GALNTL5: variants seen among roughly 807,000 people sequenced by gnomAD.
GALNTL5 encodes the protein inactive polypeptide N-acetylgalactosaminyltransferase-like protein 5.
Under a neutral mutation model 51.0 loss-of-function variants are expected in GALNTL5, and 44 were observed. The ratio of observed to expected loss-of-function variants is 0.86; its 90% confidence interval spans 0.68 to 1.11. GALNTL5 has a LOEUF of 1.11. Ranked by LOEUF, GALNTL5 falls within the 50% of genes least tolerant of loss-of-function variation. GALNTL5 has a pLI of 0.00. For synonymous variants in GALNTL5, 192 were observed against 182.8 expected (o/e 1.05, Z -0.41); for missense variants, 528 against 531.8 (o/e 0.99, Z 0.07).
intron 7 of GALNTL5, among the ~76,000 whole-genome samples, chr7:152,013,268 G>T (rs776431107): frequency 2.0e-5 from 3 of 151,694 alleles, no homozygotes; most frequent in Non-Finnish European, 4.4e-5. Flanking sequence ...GTGATGAAAT[G>T]ACCTGTGCTC....
At chr7:151,957,797 T>C (rs1468557752) in intron 1 of GALNTL5, 1 of 152,150 alleles carries the variant, frequency 6.6e-6, no homozygotes. Context: ...GAATTCTGCA[T>C]CTTTTAGTGA....
intron 3 of GALNTL5, among the ~76,000 whole-genome samples, chr7:151,976,906 G>A (rs975406323): frequency 6.6e-6 from 1 of 152,094 alleles, no homozygotes; most frequent in African/African-American, 2.4e-5. Flanking sequence ...GACCTCAGGT[G>A]ATCCAACCAC....
intron 1 of GALNTL5, among the ~76,000 whole-genome samples, chr7:151,958,727 C>T (rs890073512): frequency 6.6e-6 from 1 of 152,226 alleles, no homozygotes; most frequent in African/African-American, 2.4e-5. Flanking sequence ...AGTGTTACAG[C>T]TCCTTTTGCA....
chr7:151,963,372 C>T (rs2081015780), intron 1 of GALNTL5, among the ~76,000 whole-genome samples: 2 of 152,174 alleles, frequency 1.3e-5, no homozygotes, highest in South Asian at 2.1e-4. Context: ...CAAAATATTC[C>T]TTTCCCACCA....
At chr7:151,981,636 TTC>T (rs1332884029) in intron 3 of GALNTL5, among the ~76,000 whole-genome samples, 17 of 129,298 alleles carry the variant, frequency 1.3e-4, no homozygotes, top group African/African-American at 8.7e-5. Context: ...CTTCCTCCCT[TTC>T]TCTCTCTCTC....
In GALNTL5 at chr7:151,991,132, G is replaced by A. The variant is rs182466926; in HGVS notation, c.658+3851G>A. 8.4e-4 allele frequency among the ~76,000 whole-genome samples: 127 copies of A among 151,900 alleles called. 1 individual carries two copies. The highest frequency in any genetic ancestry group is 2.9e-3 in the African/African-American group (121 of 41,408). ...TGTTGAGATGGAGTCTCGCTCTGTC[G>A]CCCAGGCTGGAGTGCAATGGCGTCA... On this transcript the variant is annotated intron_variant, in intron 5 of 8. Coordinates refer to ENST00000392800, the MANE Select transcript of GALNTL5 (RefSeq NM_145292.4).
chr7:151,971,094 T>TAG (rs2081129692), intron 3 of GALNTL5, 29 bp downstream of exon 3: 4 of 1,235,138 alleles, frequency 3.2e-6, no homozygotes, highest in African/African-American at 1.7e-5. Context: ...TCTCTCATTC[T>TAG]CTAGATAGAT....
chr7:151,991,528 A>G (rs1462218468), intron 5 of GALNTL5, among the ~76,000 whole-genome samples: 1 of 152,192 alleles, frequency 6.6e-6, no homozygotes, highest in Admixed American at 6.5e-5. Context: ...ATGAATAGCC[A>G]GTTTTCCCAC....
intron 8 of GALNTL5, among the ~76,000 whole-genome samples, chr7:152,017,753 A>G (rs1440946782): frequency 2.6e-5 from 4 of 152,192 alleles, no homozygotes; most frequent in Non-Finnish European, 5.9e-5. Context: ...ATCTACCAAA[A>G]TTGATCCCAT....
intron 5 of GALNTL5, among the ~76,000 whole-genome samples, chr7:152,000,904 T>A (rs1260450036): frequency 7.1e-6 from 1 of 140,752 alleles, no homozygotes; most frequent in Non-Finnish European, 1.5e-5. Flanking sequence ...TTTTCTTTTT[T>A]TTCTTTCTTT....
At chr7:152,019,550 A>G in intron 8 of GALNTL5, 96 bp from the exon 9 acceptor site, 3 of 1,244,078 alleles carry the variant, frequency 2.4e-6, no homozygotes, top group East Asian at 4.7e-5. Flanking sequence ...TTTAGTTCAC[A>G]TGATGAAAAT....
chr7:151,973,946 G>A (rs2151942388), intron 3 of GALNTL5, among the ~76,000 whole-genome samples: 1 of 152,252 alleles, frequency 6.6e-6, no homozygotes, highest in African/African-American at 2.4e-5. Flanking sequence ...CATGAGACCT[G>A]ATGGTTTTTA....
intron 7 of GALNTL5, 123 bp downstream of exon 7, chr7:152,008,067 T>C (rs1334000147): frequency 1.6e-6 from 1 of 627,186 alleles, no homozygotes; most frequent in East Asian, 2.9e-5. Context: ...CAGCAGCACA[T>C]GCAATAAACA....
chr7:152,002,914 G>A lies in GALNTL5; in HGVS notation c.859G>A (p.Val287Ile), dbSNP rs2081600765. The change falls in exon 6 of 9, where the codon GTT becomes ATT. Residue 287 changes from valine (V) to isoleucine (I), a missense_variant. Val to Ile is a conservative substitution (Grantham distance 29, BLOSUM62 3). Transcript: ENST00000392800. Reference protein sequence around the residue: ...DWNLQFKWDNVFSYEMDGPEG... With the variant: ...DWNLQFKWDNIFSYEMDGPEG... ...GAACCTACAATTTAAATGGGATAAT[G>A]TTTTCTCTTATGAGATGGATGGACC... The A allele has an allele frequency of 6.2e-7, 1 of 1,613,882 alleles. No individual in the cohort carries two copies. Among genetic ancestry groups the A allele is most frequent in the African/African-American group, 1.3e-5 (1 of 74,910 alleles).
chr7:152,008,243 C>T (rs1015499645), intron 7 of GALNTL5, among the ~76,000 whole-genome samples: 1 of 113,782 alleles, frequency 8.8e-6, no homozygotes, highest in Non-Finnish European at 1.8e-5. Flanking sequence ...GCAAGACCCC[C>T]ATCTCTACTT....
chr7:152,009,404 T>C (rs2081699067), intron 7 of GALNTL5, among the ~76,000 whole-genome samples: 1 of 152,206 alleles, frequency 6.6e-6, no homozygotes, highest in African/African-American at 2.4e-5. Context: ...CACTAAACTG[T>C]CTTTTCTGGA....
chr7:151,991,175 C>T (rs150553596), intron 5 of GALNTL5, among the ~76,000 whole-genome samples: 3,434 of 152,200 alleles, frequency 0.023, 59 homozygotes, highest in Non-Finnish European at 0.033. Flanking sequence ...TCACTGCAAC[C>T]TCAGCCTCCC....
chr7:151,973,061 A>C (rs2081164840), intron 3 of GALNTL5, among the ~76,000 whole-genome samples: 1 of 152,170 alleles, frequency 6.6e-6, no homozygotes, highest in African/African-American at 2.4e-5. Flanking sequence ...TGTACCCTGC[A>C]GAGCCACAGA....
intron 4 of GALNTL5, among the ~76,000 whole-genome samples, chr7:151,983,397 C>T (rs1395316877): frequency 4.6e-5 from 7 of 152,092 alleles, no homozygotes; most frequent in Non-Finnish European, 8.8e-5. Flanking sequence ...AGGCTGGTCT[C>T]GAACTCCTGA....
Sources: gnomAD v4.1 joint callset for allele counts (sites outside exome capture counted in the v4.1 genomes callset) on GRCh38, gnomAD v4.1.1 for gene constraint, MANE v1.5 for transcripts, NCBI Gene and HGNC (gene_info 2026-07-23, HGNC 2026-07-21) for gene names.